The following MMP8 variants were observed in gnomAD, a reference collection of about 807,000 sequenced individuals.
MMP8 encodes the protein neutrophil collagenase.
A neutral mutation model predicts 51.2 loss-of-function variants in MMP8; 67 were observed. That is an observed-to-expected ratio of 1.31 (90% CI 1.08 to 1.60). The LOEUF (loss-of-function observed/expected upper bound fraction) is 1.60. Ranked by LOEUF, MMP8 falls within the 40% of genes most tolerant of loss-of-function variation. The pLI, the probability that MMP8 is intolerant of heterozygous loss-of-function variation, is 0.00. For missense variants in MMP8, 654 were observed against 558.1 expected (o/e 1.17, Z -1.73); for synonymous variants, 225 against 191.0 (o/e 1.18, Z -1.47).
intron 4 of MMP8, among the ~76,000 whole-genome samples, chr11:102,720,631 T>C (rs1233407213): frequency 1.3e-5 from 2 of 152,166 alleles, no homozygotes; most frequent in East Asian, 3.9e-4. Context: ...GGTATACCTG[T>C]CCTCAGCCTC....
chr11:102,719,029 G>A (rs1565439467), intron 4 of MMP8, among the ~76,000 whole-genome samples: 1 of 152,302 alleles, frequency 6.6e-6, no homozygotes, highest in Middle Eastern at 3.4e-3. Flanking sequence ...CTCAGATGGA[G>A]GGCTGGCTCA....
intron 4 of MMP8, among the ~76,000 whole-genome samples, chr11:102,720,674 A>C (rs1472847338): frequency 6.6e-6 from 1 of 152,218 alleles, no homozygotes; most frequent in Non-Finnish European, 1.5e-5. Flanking sequence ...AGTCCTTCTT[A>C]ATAGGAGCCT....
rs971109837 is a variant in MMP8 at position 102,724,612 on chromosome 11, A to C, written c.102+142T>G. 6 of 712,754 alleles carry C rather than the reference A, an allele frequency of 8.4e-6. No homozygotes were observed. The African/African-American group carries it at 1.1e-4, about 13-fold the overall frequency. The allele number at this position is 712,754 out of a possible 1,614,324, so 44.2% of individuals were successfully genotyped here. On this transcript the variant is annotated intron_variant, in intron 1 of 9. Transcript: ENST00000236826. ...GTCCTTACCAGCTTGGAACCCTCCA[A>C]ATCACTAAAAGGAGATGTTCAATCT...
intron 5 of MMP8, among the ~76,000 whole-genome samples, chr11:102,717,584 T>G (rs1206925431): frequency 6.6e-6 from 1 of 152,220 alleles, no homozygotes; most frequent in African/African-American, 2.4e-5. Context: ...TGTTTCTCAC[T>G]GCTGCACATC....
At chr11:102,722,319 A>G (rs1179607852) in intron 2 of MMP8, 110 bp downstream of exon 2, 1 of 1,161,364 alleles carries the variant, frequency 8.6e-7, no homozygotes, top group Non-Finnish European at 1.2e-6. Context: ...CTTCAAAGGC[A>G]GGGATATTTA....
At position 102,713,176 on chromosome 11, in the gene MMP8, A is replaced by G. The variant is rs768741697; in HGVS notation, c.*172T>C. On this transcript the variant is annotated 3_prime_UTR_variant, in exon 10 of 10. Coordinates refer to ENST00000236826, the MANE Select transcript of MMP8 (RefSeq NM_002424.3). ...GTAAGAACTGAATAAGCCTCTGCAAATAGTGGAATATTCCAAACATATTTT... is the reference window on the plus strand; with the variant it reads ...GTAAGAACTGAATAAGCCTCTGCAAGTAGTGGAATATTCCAAACATATTTT... 14 of 569,326 alleles carry G rather than the reference A, an allele frequency of 2.5e-5. No homozygotes were observed. The highest frequency in any genetic ancestry group is 3.4e-5 in the Non-Finnish European group (11 of 319,512). The allele number at this position is 569,326 out of a possible 1,614,324, so 35.3% of individuals were successfully genotyped here.
intron 4 of MMP8, among the ~76,000 whole-genome samples, chr11:102,720,814 T>G (rs781592815): frequency 6.6e-6 from 1 of 152,194 alleles, no homozygotes; most frequent in Non-Finnish European, 1.5e-5. Flanking sequence ...TTATAGAAAT[T>G]ATAATTTCTA....
At chr11:102,719,687 CTTTTAATTATGCA>C (rs2134308257) in intron 4 of MMP8, among the ~76,000 whole-genome samples, 1 of 152,298 alleles carries the variant, frequency 6.6e-6, no homozygotes, top group East Asian at 1.9e-4. Context: ...TCATCACATC[CTTTTAATTATGCA>C]TTCATGAGTG....
At chr11:102,722,990 CATT>C in intron 1 of MMP8, 5 of 1,310,984 alleles carry the variant, frequency 3.8e-6, no homozygotes, top group Non-Finnish European at 5.0e-6. Context: ...TTAGGACTAA[CATT>C]AATTGACTTC....
At chr11:102,723,966 C>A (rs1305563112) in intron 1 of MMP8, 2 of 314,412 alleles carry the variant, frequency 6.4e-6, no homozygotes, top group African/African-American at 2.2e-5. Context: ...AATAATAATG[C>A]TCCAATAAGG....
At position 102,713,914 on chromosome 11, in the gene MMP8, A is replaced by T. The variant is rs530159478; in HGVS notation, c.1191-57T>A. 983 of 1,310,326 alleles carry T rather than the reference A, an allele frequency of 7.5e-4. 6 individuals carry two copies. The highest frequency in any genetic ancestry group is 6.7e-3 in the South Asian group (490 of 72,880). The allele number at this position is 1,310,326 out of a possible 1,614,324, so 81.2% of individuals were successfully genotyped here. A position where few individuals can be genotyped will look rare whatever the true frequency, so the allele number is the denominator to read the frequency against. On this transcript the variant is annotated intron_variant, in intron 8 of 9. Coordinates refer to ENST00000236826, the MANE Select transcript of MMP8 (RefSeq NM_002424.3). ...ACCAATACAGAATATAACGAAAAAA[A>T]TTTTTTTTATTGTATATAATTTACA...
At chr11:102,721,093 T>A (rs1276186315) in intron 4 of MMP8, among the ~76,000 whole-genome samples, 1 of 152,194 alleles carries the variant, frequency 6.6e-6, no homozygotes, top group Non-Finnish European at 1.5e-5. Context: ...CAAATAAATG[T>A]GGCCCTGTTT....
In MMP8 at chr11:102,714,645, GT is replaced by G; in HGVS notation, c.1100del (p.Asn367ThrfsTer25). 2 of 1,554,988 alleles carry G rather than the reference GT, an allele frequency of 1.3e-6. No individual in the cohort carries two copies. The highest frequency in any genetic ancestry group is 1.4e-5 in the African/African-American group (1 of 71,432). ...CTTGGACGCTGCTGGGGAAGCCATA[GT>G]TTGATATATCCTTGGGATAACCTTG... ...ILQGYPKDISNYGFPSSVQAI... is the reference protein window; with the variant it reads ...ILQGYPKDISXYGFPSSVQAI... On this transcript the variant is annotated frameshift_variant, in exon 8 of 10. Coordinates refer to ENST00000236826, the MANE Select transcript of MMP8 (RefSeq NM_002424.3). LOFTEE classifies it high-confidence loss of function.
At chr11:102,723,099 C>T in intron 1 of MMP8, 1 of 1,254,482 alleles carries the variant, frequency 8.0e-7, no homozygotes, top group Non-Finnish European at 1.0e-6. Flanking sequence ...AACAGAAGCA[C>T]AGAGAATTAA....
rs746909680 is a variant in MMP8 at position 102,721,672 on chromosome 11, G to A, written c.438C>T (p.Leu146=). The A allele has an allele frequency of 8.1e-6, 13 of 1,613,776 alleles. No homozygotes were observed. The East Asian group carries it at 2.0e-4, about 25-fold the overall frequency. ...CTCCCTGTGAGATCCTGGTGAAGAT[G>A]AGAGGTGATGCAACACTCCAGAGTT... ...AFELWSVASP[L]IFTRISQGEA... Residue 146 remains leucine (L), a synonymous_variant, in exon 3 of 10, where the codon CTC becomes CTT. Transcript: ENST00000236826.
In MMP8 at chr11:102,721,539, C is replaced by T. The variant is rs1861471307; in HGVS notation, c.497-13G>A. 2 of 1,613,604 alleles carry T rather than the reference C, an allele frequency of 1.2e-6. No homozygotes were observed. Among genetic ancestry groups the T allele is most frequent in the South Asian group, 1.1e-5 (1 of 91,066 alleles). On this transcript the variant is annotated splice_polypyrimidine_tract_variant and intron_variant, in intron 3 of 9. Coordinates refer to ENST00000236826, the MANE Select transcript of MMP8 (RefSeq NM_002424.3). Reference sequence around the variant, plus strand: ...TTGTCACCGTGATCTGAAATAAGAACATTTGTATTAGATCCTTGCCAAGTT... The same window carrying T: ...TTGTCACCGTGATCTGAAATAAGAATATTTGTATTAGATCCTTGCCAAGTT...
In MMP8 at chr11:102,716,327, C is replaced by A; in HGVS notation, c.877G>T (p.Gly293Ter). 6.2e-7 allele frequency: 1 copy of A among 1,601,104 alleles called. No individual in the cohort carries two copies. Among genetic ancestry groups the A allele is most frequent in the South Asian group, 1.1e-5 (1 of 90,430 alleles). Residue 293 changes from glycine to a stop codon, truncating the protein, a stop_gained, in exon 6 of 10, where the codon GGA (glycine) becomes TGA (stop). Coordinates refer to ENST00000236826, the MANE Select transcript of MMP8 (RefSeq NM_002424.3). LOFTEE classifies it high-confidence loss of function. The stretch of plus-strand genomic sequence containing the variant: ...CTGTCTTTAAAGAAAAGTATTTCTC[C>A]ACGGAGTGTGGTGATAGCATCAAAT... Reference protein sequence around the residue: ...LTFDAITTLRGEILFFKDRYF... With the variant: ...LTFDAITTLR
At chr11:102,716,440 A>G in intron 5 of MMP8, 21 bp from the exon 6 acceptor site, 1 of 1,428,534 alleles carries the variant, frequency 7.0e-7, no homozygotes, top group Middle Eastern at 1.9e-4. Context: ...AAAAAAAAAA[A>G]AAAAAAAGGT....
Position 102,712,249 on chromosome 11 carries a change from T to G in MMP8, c.*1099A>C, listed in dbSNP as rs1861145506. ...CCAACTGGCCCATTTGGGTTTGGACTCTAGGAGAGAGCAAGGAGGAGGCAG... is the reference window on the plus strand; with the variant it reads ...CCAACTGGCCCATTTGGGTTTGGACGCTAGGAGAGAGCAAGGAGGAGGCAG... On this transcript the variant is annotated 3_prime_UTR_variant, in exon 10 of 10. Transcript: ENST00000236826. 6.6e-6 allele frequency: 1 copy of G among 152,320 alleles called. No individual in the cohort carries two copies. Among genetic ancestry groups the G allele is most frequent in the African/African-American group, 2.4e-5 (1 of 41,450 alleles). The allele number at this position is 152,320 out of a possible 1,614,324, so 9.4% of individuals were successfully genotyped here.
Sources: gnomAD v4.1 joint callset for allele counts (sites outside exome capture counted in the v4.1 genomes callset) on GRCh38, gnomAD v4.1.1 for gene constraint, MANE v1.5 for transcripts, NCBI Gene and HGNC (gene_info 2026-07-23, HGNC 2026-07-21) for gene names.